Variants in LOC128462377 observed in about 807,000 individuals in gnomAD.
At chr16:89,381,208 G>A in the LOC128462377 span, among the ~76,000 whole-genome samples, 23 of 151,948 alleles carry the variant, frequency 1.5e-4, no homozygotes, top group Non-Finnish European at 2.5e-4. Flanking sequence ...GGTGTGCACC[G>A]GTAATCCCAG....
chr16:89,416,574 AG>A, the LOC128462377 span, among the ~76,000 whole-genome samples: 1 of 152,222 alleles, frequency 6.6e-6, no homozygotes, highest in Admixed American at 6.5e-5. Flanking sequence ...CTGGGATTAC[AG>A]GCGTGAGCCA....
the LOC128462377 span, among the ~76,000 whole-genome samples, chr16:89,388,357 C>T: frequency 8.2e-5 from 11 of 133,776 alleles, no homozygotes; most frequent in African/African-American, 2.2e-4. Context: ...GTCTTGAACT[C>T]CTGACCTCGT....
At chr16:89,405,902 G>A in the LOC128462377 span, among the ~76,000 whole-genome samples, 1 of 152,044 alleles carries the variant, frequency 6.6e-6, no homozygotes, top group African/African-American at 2.4e-5. Context: ...CTGAGGACAG[G>A]AGTTCGAGAG....
the LOC128462377 span, among the ~76,000 whole-genome samples, chr16:89,382,225 GCAGGAGTGAC>G: frequency 1.3e-5 from 2 of 152,116 alleles, no homozygotes; most frequent in Admixed American, 1.3e-4. Context: ...ACTGACCAGG[GCAGGAGTGAC>G]CCAAGCAAAG....
chr16:89,338,119 G>A, the LOC128462377 span, among the ~76,000 whole-genome samples: 2 of 152,132 alleles, frequency 1.3e-5, no homozygotes, highest in African/African-American at 2.4e-5. Context: ...CCAGGACGCC[G>A]CCCGTCAGGC....
chr16:89,408,400 G>T, the LOC128462377 span, among the ~76,000 whole-genome samples: 2 of 152,228 alleles, frequency 1.3e-5, no homozygotes, highest in African/African-American at 4.8e-5. Flanking sequence ...CCAGTTGCCT[G>T]GGCAGAGGAG....
chr16:89,371,656 C>G, the LOC128462377 span, among the ~76,000 whole-genome samples: 2 of 152,080 alleles, frequency 1.3e-5, no homozygotes. Context: ...GTGTGGAGGG[C>G]GATGCAGACT....
chr16:89,356,780 CA>C, the LOC128462377 span, among the ~76,000 whole-genome samples: 1,131 of 103,920 alleles, frequency 0.011, 17 homozygotes, highest in African/African-American at 0.038. Flanking sequence ...GACTCCGTCT[CA>C]AAAAAAAAAA....
chr16:89,371,627 TGAC>T, the LOC128462377 span, among the ~76,000 whole-genome samples: 1 of 152,082 alleles, frequency 6.6e-6, no homozygotes, highest in African/African-American at 2.4e-5. Context: ...CCTGCCCACA[TGAC>T]GACACCCAAG....
chr16:89,371,315 G>A, the LOC128462377 span, among the ~76,000 whole-genome samples: 2 of 152,184 alleles, frequency 1.3e-5, no homozygotes, highest in Non-Finnish European at 2.9e-5. Flanking sequence ...AACAAATAAA[G>A]AATAAGAAAG....
the LOC128462377 span, among the ~76,000 whole-genome samples, chr16:89,398,901 C>A: frequency 6.6e-6 from 1 of 152,154 alleles, no homozygotes; most frequent in Non-Finnish European, 1.5e-5. Context: ...TGGCTGTGCA[C>A]AGCCACCCAG....
At chr16:89,389,974 C>T in the LOC128462377 span, among the ~76,000 whole-genome samples, 2 of 67,490 alleles carry the variant, frequency 3.0e-5, no homozygotes, top group Non-Finnish European at 5.6e-5. Context: ...GGGCGAACAC[C>T]GAGTGTGGCG....
chr16:89,356,121 T>C, the LOC128462377 span, among the ~76,000 whole-genome samples: 3 of 152,262 alleles, frequency 2.0e-5, no homozygotes, highest in South Asian at 2.1e-4. Flanking sequence ...TTAGTTACTA[T>C]GAACTAGTGC....
chr16:89,330,880 T>C, the LOC128462377 span, among the ~76,000 whole-genome samples: 2 of 152,174 alleles, frequency 1.3e-5, no homozygotes, highest in Non-Finnish European at 2.9e-5. Context: ...ACCTGGTAAT[T>C]TGACTGTACA....
At chr16:89,346,243 G>A in the LOC128462377 span, among the ~76,000 whole-genome samples, 4 of 121,406 alleles carry the variant, frequency 3.3e-5, no homozygotes, top group Non-Finnish European at 5.1e-5. Flanking sequence ...GGGAGACCCC[G>A]TCTCAGGAAA....
chr16:89,397,958 G>C, the LOC128462377 span, among the ~76,000 whole-genome samples: 792 of 152,358 alleles, frequency 5.2e-3, 5 homozygotes, highest in African/African-American at 0.018. Context: ...TCCTGTTGTT[G>C]AATCGGTGCA....
At chr16:89,351,431 G>A in the LOC128462377 span, among the ~76,000 whole-genome samples, 28 of 152,220 alleles carry the variant, frequency 1.8e-4, no homozygotes, top group Non-Finnish European at 3.5e-4. Flanking sequence ...CACTACCTCC[G>A]CAAATCACTC....
At chr16:89,376,405 C>T in the LOC128462377 span, among the ~76,000 whole-genome samples, 3 of 152,174 alleles carry the variant, frequency 2.0e-5, no homozygotes, top group African/African-American at 7.2e-5. Flanking sequence ...TGAGGAATAT[C>T]ATCGAGGAAA....
chr16:89,388,410 G>A, the LOC128462377 span, among the ~76,000 whole-genome samples: 7 of 149,716 alleles, frequency 4.7e-5, no homozygotes, highest in Non-Finnish European at 7.4e-5. Context: ...GATTATAAGC[G>A]TGAGCCACCA....
Sources: allele counts gnomAD v4.1 joint callset (sites outside exome capture counted in the v4.1 genomes callset), GRCh38; gene constraint gnomAD v4.1.1; transcripts MANE v1.5.